KCMF1: variants seen among roughly 807,000 people sequenced by gnomAD.
The protein encoded by KCMF1 is E3 ubiquitin-protein ligase KCMF1.
KCMF1 carries 3 observed loss-of-function variants against 41.1 expected under a neutral mutation model. That is an observed-to-expected ratio of 0.07 (90% CI 0.03 to 0.19). The LOEUF (loss-of-function observed/expected upper bound fraction) is 0.19, where lower values mean the gene tolerates loss of function less well. Ranked by LOEUF, KCMF1 falls within the 10% of genes least tolerant of loss-of-function variation. The probability of loss-of-function intolerance (pLI) is 1.00; values close to 1 mark genes in which losing one functional copy is unlikely to be tolerated. For synonymous variants in KCMF1, 142 were observed against 164.5 expected (o/e 0.86, Z 1.04); for missense variants, 286 against 488.9 (o/e 0.58, Z 3.91).
Position 85,022,042 on chromosome 2 carries a change from C to T in KCMF1, c.17-5847C>T, listed in dbSNP as rs868710915. On this transcript the variant is annotated intron_variant, in intron 1 of 6. Coordinates refer to ENST00000409785, the MANE Select transcript of KCMF1 (RefSeq NM_020122.5). ...ATGTTGGTCAGGCTGGTCTTGAACTCCTGACCTCAGGTGATCCACCTGCCT... is the reference window on the plus strand; with the variant it reads ...ATGTTGGTCAGGCTGGTCTTGAACTTCTGACCTCAGGTGATCCACCTGCCT... Among the ~76,000 whole-genome samples the T allele has an allele frequency of 3.3e-5, 5 of 152,168 alleles. No homozygotes were observed. The South Asian group carries it at 1.0e-3, about 32-fold the overall frequency.
intron 1 of KCMF1, among the ~76,000 whole-genome samples, chr2:85,004,077 C>T (rs746757129): frequency 6.6e-6 from 1 of 152,166 alleles, no homozygotes; most frequent in Non-Finnish European, 1.5e-5. Context: ...GGATGATTCA[C>T]CTCCGAGTGG....
At chr2:85,003,934 A>T (rs1307222232) in intron 1 of KCMF1, among the ~76,000 whole-genome samples, 1 of 152,082 alleles carries the variant, frequency 6.6e-6, no homozygotes. Flanking sequence ...GAGGGGGGAC[A>T]TTTTTCCAAG....
intron 1 of KCMF1, among the ~76,000 whole-genome samples, chr2:85,007,565 G>A (rs1238469281): frequency 1.3e-5 from 2 of 152,172 alleles, no homozygotes; most frequent in African/African-American, 2.4e-5. Context: ...ACTCTCATGG[G>A]GTGAAATGAG....
chr2:84,974,180 C>A (rs950714431), intron 1 of KCMF1, among the ~76,000 whole-genome samples: 1 of 152,014 alleles, frequency 6.6e-6, no homozygotes, highest in African/African-American at 2.4e-5. Flanking sequence ...CTGTCCACCT[C>A]CAAATTCTCT....
chr2:85,048,394 G>A (rs1348494293), intron 5 of KCMF1, among the ~76,000 whole-genome samples: 16 of 152,118 alleles, frequency 1.1e-4, no homozygotes, highest in Admixed American at 7.9e-4. Flanking sequence ...TTTTCTGTCA[G>A]TGAAAATTAG....
chr2:84,974,677 ATATATATATATATATTTTTTTTTT>A (rs1673491295), intron 1 of KCMF1, among the ~76,000 whole-genome samples: 2 of 36,618 alleles, frequency 5.5e-5, no homozygotes, highest in Admixed American at 3.1e-4. Context: ...ATATATATAT[ATATATATATATATATTTTTTTTTT>A]TTTTTTTTTT....
chr2:84,979,522 T>TTA (rs1553520987), intron 1 of KCMF1, among the ~76,000 whole-genome samples: 4 of 141,686 alleles, frequency 2.8e-5, no homozygotes, highest in African/African-American at 7.8e-5. Context: ...AAATTCTGTC[T>TTA]AAAAAAAAAA....
chr2:85,009,434 T>C (rs1674602003), intron 1 of KCMF1, among the ~76,000 whole-genome samples: 1 of 152,212 alleles, frequency 6.6e-6, no homozygotes, highest in Non-Finnish European at 1.5e-5. Flanking sequence ...AGGAAATTGG[T>C]GCCAAGAAAG....
intron 4 of KCMF1, among the ~76,000 whole-genome samples, chr2:85,044,561 A>G (rs181681445): frequency 6.6e-5 from 10 of 152,178 alleles, no homozygotes; most frequent in Admixed American, 2.0e-4. Context: ...TTTTTAGTAG[A>G]GATGGGGTTT....
At chr2:84,993,644 C>T (rs1258506584) in intron 1 of KCMF1, among the ~76,000 whole-genome samples, 4 of 151,694 alleles carry the variant, frequency 2.6e-5, no homozygotes, top group Non-Finnish European at 5.9e-5. Context: ...GGTGCAGTCT[C>T]GGCTCACTGC....
At chr2:85,019,824 A>G (rs1558577718) in intron 1 of KCMF1, among the ~76,000 whole-genome samples, 2 of 151,846 alleles carry the variant, frequency 1.3e-5, no homozygotes, top group African/African-American at 2.4e-5. Context: ...ATACGTATAT[A>G]TATACGTATG....
chr2:85,005,975 T>G (rs1196019161), intron 1 of KCMF1, among the ~76,000 whole-genome samples: 4 of 152,222 alleles, frequency 2.6e-5, no homozygotes, highest in African/African-American at 9.6e-5. Flanking sequence ...CTAAGCATAC[T>G]TCTTTTATTT....
chr2:84,973,720 T>C (rs1673457261), intron 1 of KCMF1, among the ~76,000 whole-genome samples: 1 of 152,152 alleles, frequency 6.6e-6, no homozygotes, highest in Non-Finnish European at 1.5e-5. Context: ...AATACAGTGT[T>C]TGGCACCCTT....
In KCMF1 at chr2:85,057,264, C is replaced by T. The variant is rs892992139; in HGVS notation, c.*3855C>T. 1 of 151,988 alleles carries T rather than the reference C, an allele frequency of 6.6e-6. No homozygotes were observed. Among genetic ancestry groups the T allele is most frequent in the East Asian group, 1.9e-4 (1 of 5,188 alleles). The allele number at this position is 151,988 out of a possible 1,614,324, so 9.4% of individuals were successfully genotyped here. A position where few individuals can be genotyped will look rare whatever the true frequency, so the allele number is the denominator to read the frequency against. ...TGGTGTTCATGCTGGAAAACAGTTACGGTTATCTGTGCTCTTTCTAAAGCT... is the reference window on the plus strand; with the variant it reads ...TGGTGTTCATGCTGGAAAACAGTTATGGTTATCTGTGCTCTTTCTAAAGCT... On this transcript the variant is annotated 3_prime_UTR_variant, in exon 7 of 7. Transcript: ENST00000409785.
intron 1 of KCMF1, among the ~76,000 whole-genome samples, chr2:85,022,260 C>T (rs1404209304): frequency 2.0e-5 from 3 of 151,944 alleles, no homozygotes; most frequent in Non-Finnish European, 4.4e-5. Context: ...TTGCTTGAGT[C>T]CAGGAGTTTG....
chr2:85,046,350 C>A, intron 5 of KCMF1, 72 bp downstream of exon 5: 1 of 1,235,048 alleles, frequency 8.1e-7, no homozygotes, highest in Non-Finnish European at 1.1e-6. Context: ...TTTTGTGATG[C>A]CAGGTGCGGT....
intron 4 of KCMF1, among the ~76,000 whole-genome samples, chr2:85,044,608 G>A (rs1338591618): frequency 1.3e-5 from 2 of 151,796 alleles, no homozygotes; most frequent in Non-Finnish European, 2.9e-5. Context: ...GGCCATGCTG[G>A]TCTTGAACTC....
chr2:85,057,166 C>CAAG lies in KCMF1; in HGVS notation c.*3759_*3761dup. 6.7e-6 allele frequency: 1 copy of CAAG among 149,534 alleles called. No individual in the cohort carries two copies. The allele number at this position is 149,534 out of a possible 1,614,324, so 9.3% of individuals were successfully genotyped here. ...TTGCACTCCAGCCCGGGCGACGGTG[C>CAAG]AAGACTCTGTCTCAAAAAAAAAAAA... On this transcript the variant is annotated 3_prime_UTR_variant, in exon 7 of 7. Transcript: ENST00000409785.
At chr2:84,990,535 G>T (rs971127440) in intron 1 of KCMF1, among the ~76,000 whole-genome samples, 1 of 152,066 alleles carries the variant, frequency 6.6e-6, no homozygotes, top group South Asian at 2.1e-4. Context: ...AATAAGGATT[G>T]CAGTGACTCA....
Sources: allele counts gnomAD v4.1 joint callset (sites outside exome capture counted in the v4.1 genomes callset), GRCh38; gene constraint gnomAD v4.1.1; transcripts MANE v1.5; gene names NCBI Gene and HGNC (gene_info 2026-07-23, HGNC 2026-07-21).